SRM: variants seen among roughly 807,000 people sequenced by gnomAD.
The protein encoded by SRM is putrescine aminopropyltransferase.
SRM carries 14 observed loss-of-function variants against 39.3 expected under a neutral mutation model. That is an observed-to-expected ratio of 0.36 (90% CI 0.24 to 0.56). The LOEUF is 0.56. Among genes scored for constraint, SRM ranks in the 20% least tolerant of loss-of-function variants. The pLI, the probability that SRM is intolerant of heterozygous loss-of-function variation, is 0.86. For synonymous variants in SRM, 195 were observed against 173.1 expected, an observed-to-expected ratio of 1.13 and a Z score of -0.99; for missense variants, 244 against 409.2, an observed-to-expected ratio of 0.60 and a Z score of 3.48.
At chr1:11,057,697 A>C (rs1352251045) in intron 3 of SRM, among the ~76,000 whole-genome samples, 3 of 109,482 alleles carry the variant, frequency 2.7e-5, no homozygotes, top group African/African-American at 3.7e-5. Flanking sequence ...ACCACCCCCC[A>C]TGCATTCACA....
In SRM at chr1:11,054,601, A is replaced by G. The variant is rs1318795742; in HGVS notation, c.*264T>C. On this transcript the variant is annotated 3_prime_UTR_variant, in exon 8 of 8. Coordinates refer to ENST00000376957, the MANE Select transcript of SRM (RefSeq NM_003132.3). This position sits in a 1 kb window ranked among gnomAD's most constrained non-coding sequence, Gnocchi z 4.8. ...CAGGACTCCAATCTTTGCTATAAAT[A>G]CACGTGTTTGGTGAGTGAGGGGCAA... The G allele has an allele frequency of 1.4e-5, 7 of 517,746 alleles. No homozygotes were observed. Among genetic ancestry groups the G allele is most frequent in the Non-Finnish European group, 2.4e-5 (7 of 296,364 alleles). 32.1% of individuals were successfully genotyped at this position (517,746 alleles called of 1,614,324 possible). A position where few individuals can be genotyped will look rare whatever the true frequency, so the allele number is the denominator to read the frequency against.
Position 11,059,994 on chromosome 1 carries a change from G to T in SRM, c.-51C>A. 1.1e-6 allele frequency: 1 copy of T among 931,870 alleles called. No homozygotes were observed. Among genetic ancestry groups the T allele is most frequent in the Non-Finnish European group, 1.3e-6 (1 of 783,556 alleles). The allele number at this position is 931,870 out of a possible 1,614,324, so 57.7% of individuals were successfully genotyped here. ...GCGGGCCCGGGACTGCAGGCCGCGC[G>T]GCGCCGCAGCACAACGGGACCAGCT... On this transcript the variant is annotated 5_prime_UTR_variant, in exon 1 of 8. Coordinates refer to ENST00000376957, the MANE Select transcript of SRM (RefSeq NM_003132.3).
At position 11,054,812 on chromosome 1, in the gene SRM, C is replaced by CG; in HGVS notation, c.*52_*53insC. On this transcript the variant is annotated 3_prime_UTR_variant, in exon 8 of 8. Coordinates refer to ENST00000376957, the MANE Select transcript of SRM (RefSeq NM_003132.3). The surrounding 1 kb of genome is among the most constrained non-coding windows in gnomAD (Gnocchi z 4.8). ...CCGGGGCTGGAGGGGCCGAGGCACC[C>CG]CGCAGGCTCCAAGGTCCGAGGTCCT... is the stretch of plus-strand genomic sequence containing the variant. 6.4e-7 allele frequency: 1 copy of CG among 1,555,038 alleles called. No individual in the cohort carries two copies. Among genetic ancestry groups the CG allele is most frequent in the Non-Finnish European group, 8.7e-7 (1 of 1,149,602 alleles).
intron 1 of SRM, 128 bp downstream of exon 1, chr1:11,059,649 G>T (rs1444936227): frequency 2.6e-6 from 3 of 1,168,366 alleles, no homozygotes; most frequent in Non-Finnish European, 3.5e-6. Context: ...GGTGTGAGGG[G>T]TGGCGAGGGG....
At position 11,054,685 on chromosome 1, in the gene SRM, G is replaced by A; in HGVS notation, c.*180C>T. ...GTATAGGCTTGGAGGTGGAACGCCA[G>A]AGAGACAGACACACAGACAGTCCGC... On this transcript the variant is annotated 3_prime_UTR_variant, in exon 8 of 8. Transcript: ENST00000376957. The surrounding 1 kb of genome is among the most constrained non-coding windows in gnomAD (Gnocchi z 4.8). 1 of 879,372 alleles carries A rather than the reference G, an allele frequency of 1.1e-6. No homozygotes were observed. Among genetic ancestry groups the A allele is most frequent in the Non-Finnish European group, 1.7e-6 (1 of 593,714 alleles). The allele number at this position is 879,372 out of a possible 1,614,324, so 54.5% of individuals were successfully genotyped here. A position where few individuals can be genotyped will look rare whatever the true frequency, so the allele number is the denominator to read the frequency against.
intron 6 of SRM, 144 bp downstream of exon 6, chr1:11,055,637 G>A (rs558657495): frequency 1.3e-5 from 11 of 816,870 alleles, no homozygotes; most frequent in South Asian, 1.3e-4. Context: ...AGATGGTCTC[G>A]ATCTCCTGAC....
At chr1:11,055,720 AG>A in intron 6 of SRM, 60 bp downstream of exon 6, 1 of 1,512,310 alleles carries the variant, frequency 6.6e-7, no homozygotes, top group Non-Finnish European at 8.9e-7. Context: ...CGGCAGGGGC[AG>A]GGATCTCTAT....
chr1:11,057,477 T>G (rs12141640), intron 3 of SRM, among the ~76,000 whole-genome samples: 14,316 of 146,946 alleles, frequency 0.097, 1,149 homozygotes, highest in African/African-American at 0.21. Context: ...TTTTTTTTTT[T>G]TATTTTTAGT....
chr1:11,058,735 AT>A, intron 3 of SRM, 64 bp downstream of exon 3: 1 of 1,433,908 alleles, frequency 7.0e-7, no homozygotes, highest in Non-Finnish European at 9.5e-7. Context: ...GTGTGCAGCC[AT>A]TTCAGGGCAC....
Position 11,054,609 on chromosome 1 carries a change from T to C in SRM, c.*256A>G. On this transcript the variant is annotated 3_prime_UTR_variant, in exon 8 of 8. Transcript: ENST00000376957. The surrounding 1 kb of genome is among the most constrained non-coding windows in gnomAD (Gnocchi z 4.8). ...CAATCTTTGCTATAAATACACGTGT[T>C]TGGTGAGTGAGGGGCAACAGAAGGC... is the stretch of plus-strand genomic sequence containing the variant. The C allele has an allele frequency of 1.9e-6, 1 of 534,844 alleles. No individual in the cohort carries two copies. The allele number at this position is 534,844 out of a possible 1,614,324, so 33.1% of individuals were successfully genotyped here.
At chr1:11,059,611 C>G in intron 1 of SRM, 166 bp downstream of exon 1, 1 of 983,174 alleles carries the variant, frequency 1.0e-6, no homozygotes, top group Non-Finnish European at 1.5e-6. Context: ...GAGGCCAGCC[C>G]GCAGTCCCAG....
chr1:11,060,015 C>T lies in SRM; in HGVS notation c.-72G>A. On this transcript the variant is annotated 5_prime_UTR_variant, in exon 1 of 8. Transcript: ENST00000376957. ...GCGCGGCGCCGCAGCACAACGGGAC[C>T]AGCTCCGCCCGCCGCCCGCGCCGCA... The T allele has an allele frequency of 2.5e-6, 2 of 813,000 alleles. No homozygotes were observed. The highest frequency in any genetic ancestry group is 1.5e-6 in the Non-Finnish European group (1 of 674,746). 50.4% of individuals were successfully genotyped at this position (813,000 alleles called of 1,614,324 possible).
rs947680481 is a variant in SRM, at chr1:11,054,756, T to C, written c.*109A>G. On this transcript the variant is annotated 3_prime_UTR_variant, in exon 8 of 8. Coordinates refer to ENST00000376957, the MANE Select transcript of SRM (RefSeq NM_003132.3). The surrounding 1 kb of genome is among the most constrained non-coding windows in gnomAD (Gnocchi z 4.8). The stretch of plus-strand genomic sequence containing the variant: ...GCATTCTGGGGCTTGTAACACTTGG[T>C]TGGTGGGCGAGAGCCAGCAGGAGGT... 26 of 1,445,144 alleles carry C rather than the reference T, an allele frequency of 1.8e-5. No individual in the cohort carries two copies. The highest frequency in any genetic ancestry group is 5.6e-5 in the South Asian group (4 of 71,214). 89.5% of individuals were successfully genotyped at this position (1,445,144 alleles called of 1,614,324 possible).
Position 11,056,702 on chromosome 1 carries a change from C to T in SRM, c.437G>A (p.Ser146Asn). Residue 146 changes from serine to asparagine, a missense_variant, in exon 4 of 8, where the codon AGC becomes AAC. Coordinates refer to ENST00000376957, the MANE Select transcript of SRM (RefSeq NM_003132.3). ...ACCCACATGTAGGGTCAGCTTCGAG[C>T]TAGAGTAGCCAATGGCCATGCCTGG... is the stretch of plus-strand genomic sequence containing the variant. ...FLPGMAIGYSSSKLTLHVGDG... is the reference protein window; with the variant it reads ...FLPGMAIGYSNSKLTLHVGDG... The T allele has an allele frequency of 6.2e-7, 1 of 1,614,162 alleles. No individual in the cohort carries two copies. The highest frequency in any genetic ancestry group is 8.5e-7 in the Non-Finnish European group (1 of 1,180,034).
intron 6 of SRM, 86 bp downstream of exon 6, chr1:11,055,681 CTGGGATTACAGGTG>C: frequency 7.8e-7 from 1 of 1,279,464 alleles, no homozygotes; most frequent in African/African-American, 1.5e-5. Context: ...TCCCAAAGTG[CTGGGATTACAGGTG>C]TGAGCCACCG....
At chr1:11,058,592 G>C in intron 3 of SRM, 1 of 413,396 alleles carries the variant, frequency 2.4e-6, no homozygotes, top group Non-Finnish European at 4.3e-6. Context: ...AATCAGCTCA[G>C]TTTTAGTAAG....
rs1256135191 is a variant in SRM at position 11,054,793 on chromosome 1, C to T, written c.*72G>A. On this transcript the variant is annotated 3_prime_UTR_variant, in exon 8 of 8. Transcript: ENST00000376957. The surrounding 1 kb of genome is among the most constrained non-coding windows in gnomAD (Gnocchi z 4.8). ...AGCCAGCAGGAGGTCCGGCCCGGGGCTGGAGGGGCCGAGGCACCCCGCAGG... is the reference window on the plus strand; with the variant it reads ...AGCCAGCAGGAGGTCCGGCCCGGGGTTGGAGGGGCCGAGGCACCCCGCAGG... The T allele has an allele frequency of 7.2e-6, 11 of 1,529,748 alleles. No individual in the cohort carries two copies. Among genetic ancestry groups the T allele is most frequent in the African/African-American group, 1.4e-5 (1 of 72,640 alleles). The allele number at this position is 1,529,748 out of a possible 1,614,324, so 94.8% of individuals were successfully genotyped here.
chr1:11,057,806 T>C (rs760543165), intron 3 of SRM, among the ~76,000 whole-genome samples: 2 of 151,868 alleles, frequency 1.3e-5, no homozygotes, highest in Non-Finnish European at 2.9e-5. Context: ...TGAGACAGAT[T>C]CTTCCTCTGT....
chr1:11,054,698 A>C lies in SRM; in HGVS notation c.*167T>G. On this transcript the variant is annotated 3_prime_UTR_variant, in exon 8 of 8. Coordinates refer to ENST00000376957, the MANE Select transcript of SRM (RefSeq NM_003132.3). This position sits in a 1 kb window ranked among gnomAD's most constrained non-coding sequence, Gnocchi z 4.8. ...GGTGGAACGCCAGAGAGACAGACAC[A>C]CAGACAGTCCGCCCAGCAGGGCAGG... 1 of 991,788 alleles carries C rather than the reference A, an allele frequency of 1.0e-6. No individual in the cohort carries two copies. Among genetic ancestry groups the C allele is most frequent in the Non-Finnish European group, 1.4e-6 (1 of 694,180 alleles). 61.4% of individuals were successfully genotyped at this position (991,788 alleles called of 1,614,324 possible).
Sources: gnomAD v4.1 joint callset for allele counts (sites outside exome capture counted in the v4.1 genomes callset) on GRCh38, gnomAD v4.1.1 for gene constraint, Gnocchi (gnomAD v3.1) non-coding constraint, MANE v1.5 for transcripts, NCBI Gene and HGNC (gene_info 2026-07-23, HGNC 2026-07-21) for gene names.